DIAPH3: variants seen among roughly 807,000 people sequenced by gnomAD.
The protein encoded by DIAPH3 is protein diaphanous homolog 3.
A neutral mutation model predicts 144.3 loss-of-function variants in DIAPH3; 117 were observed. The observed-to-expected ratio is 0.81, with a 90% CI of 0.70 to 0.95. DIAPH3 has a LOEUF of 0.95. Among genes scored for constraint, DIAPH3 ranks in the 40% least tolerant of loss-of-function variants. The pLI is 0.00. For missense variants in DIAPH3, 1,421 were observed against 1,412.7 expected (o/e 1.01, Z -0.09); for synonymous variants, 519 against 488.9 (o/e 1.06, Z -0.81).
At chr13:59,751,657 T>A (rs928837728) in intron 27 of DIAPH3, among the ~76,000 whole-genome samples, 4 of 152,196 alleles carry the variant, frequency 2.6e-5, no homozygotes, top group African/African-American at 9.6e-5. Flanking sequence ...TGTAACCATA[T>A]CTAAGCATTT....
At chr13:59,970,175 T>C in intron 16 of DIAPH3, 117 bp from the exon 17 acceptor site, 1 of 497,306 alleles carries the variant, frequency 2.0e-6, no homozygotes, top group South Asian at 4.1e-5. Flanking sequence ...AAGTCGTATC[T>C]GTAAGATTTT....
chr13:59,998,439 T>A (rs1293632149), intron 9 of DIAPH3, among the ~76,000 whole-genome samples: 1 of 152,170 alleles, frequency 6.6e-6, no homozygotes, highest in African/African-American at 2.4e-5. Flanking sequence ...ATACCCAGCA[T>A]AGCCCAGTAC....
At position 59,998,649 on chromosome 13, in the gene DIAPH3, C is replaced by T. The variant is rs1328522754; in HGVS notation, c.1015-6066G>A. 2.0e-5 allele frequency among the ~76,000 whole-genome samples: 3 copies of T among 152,168 alleles called. No individual in the cohort carries two copies. In the East Asian group the frequency reaches 5.8e-4, roughly 29 times the overall value. On this transcript the variant is annotated intron_variant, in intron 9 of 27. Transcript: ENST00000400324. ...CATTAGTTTATACTTGGGTATGCTC[C>T]ATATGATAATATGAGTTCACATTAG...
intron 3 of DIAPH3, among the ~76,000 whole-genome samples, chr13:60,097,958 T>G (rs1038229763): frequency 2.0e-5 from 3 of 152,162 alleles, no homozygotes; most frequent in Non-Finnish European, 4.4e-5. Flanking sequence ...CACGAAGTCC[T>G]TAGAAAATTT....
intron 17 of DIAPH3, among the ~76,000 whole-genome samples, chr13:59,945,523 C>T (rs1009449239): frequency 6.6e-6 from 1 of 151,678 alleles, no homozygotes; most frequent in African/African-American, 2.4e-5. Context: ...GAGAGCCCTG[C>T]TTACTGATAG....
chr13:59,801,122 T>C (rs2039879962), intron 25 of DIAPH3, among the ~76,000 whole-genome samples: 4 of 152,194 alleles, frequency 2.6e-5, no homozygotes, highest in Admixed American at 6.5e-5. Flanking sequence ...GAGATCATAA[T>C]TGCAATTCAG....
intron 27 of DIAPH3, among the ~76,000 whole-genome samples, chr13:59,672,164 C>T (rs1232782309): frequency 2.0e-5 from 3 of 152,156 alleles, no homozygotes; most frequent in South Asian, 2.1e-4. Context: ...AAGGCCCTGG[C>T]GGACGGCCCT....
chr13:59,969,932 T>C lies in DIAPH3; in HGVS notation c.2074+12A>G, dbSNP rs1335736241. 4.7e-6 allele frequency: 7 copies of C among 1,499,400 alleles called. No individual in the cohort carries two copies. Among genetic ancestry groups the C allele is most frequent in the Non-Finnish European group, 6.5e-6 (7 of 1,083,116 alleles). The allele number at this position is 1,499,400 out of a possible 1,614,324, so 92.9% of individuals were successfully genotyped here. A position where few individuals can be genotyped will look rare whatever the true frequency, so the allele number is the denominator to read the frequency against. ...AAATCAAATTAATAAATAATCAAGATGTTAAACTTACCTTTTTGTTGGCAA... is the reference window on the plus strand; with the variant it reads ...AAATCAAATTAATAAATAATCAAGACGTTAAACTTACCTTTTTGTTGGCAA... On this transcript the variant is annotated intron_variant, in intron 17 of 27. Coordinates refer to ENST00000400324, the MANE Select transcript of DIAPH3 (RefSeq NM_001042517.2).
In DIAPH3 at chr13:60,137,746, T is replaced by TC. The variant is rs1036957633; in HGVS notation, c.181-4758_181-4757insG. On this transcript the variant is annotated intron_variant, in intron 1 of 27. Coordinates refer to ENST00000400324, the MANE Select transcript of DIAPH3 (RefSeq NM_001042517.2). ...GTTTAATTCCATTAAAATTGACTTTTTTTTTTTTTTTTTTTTAGACACAGT... is the reference window on the plus strand; with the variant it reads ...GTTTAATTCCATTAAAATTGACTTTTCTTTTTTTTTTTTTTTTAGACACAGT... Among the ~76,000 whole-genome samples the TC allele has an allele frequency of 9.3e-5, 14 of 150,264 alleles. No homozygotes were observed. In the East Asian group the frequency reaches 2.1e-3, roughly 23 times the overall value.
At chr13:59,944,572 C>G (rs1268130365) in intron 17 of DIAPH3, among the ~76,000 whole-genome samples, 1 of 152,094 alleles carries the variant, frequency 6.6e-6, no homozygotes, top group African/African-American at 2.4e-5. Context: ...CAAAAATTAT[C>G]ACACATAACC....
chr13:59,886,706 GT>G (rs563783843), intron 20 of DIAPH3, among the ~76,000 whole-genome samples: 91 of 151,298 alleles, frequency 6.0e-4, no homozygotes, highest in African/African-American at 1.6e-3. Context: ...AGTATTTTTA[GT>G]TTTTTTTATG....
At position 59,943,930 on chromosome 13, in the gene DIAPH3, G is replaced by C. The variant is rs571189003; in HGVS notation, c.2075-19060C>G. Among the ~76,000 whole-genome samples the C allele has an allele frequency of 2.6e-5, 4 of 152,158 alleles. No individual in the cohort carries two copies. In the East Asian group the frequency reaches 7.7e-4, roughly 29 times the overall value. On this transcript the variant is annotated intron_variant, in intron 17 of 27. Coordinates refer to ENST00000400324, the MANE Select transcript of DIAPH3 (RefSeq NM_001042517.2). ...GCCAACCAAGGGAAAAGATGATGGA[G>C]GCTGGGCACGGTAGCTCATGCCTGC...
intron 17 of DIAPH3, among the ~76,000 whole-genome samples, chr13:59,929,588 A>T (rs2140324062): frequency 9.1e-6 from 1 of 109,916 alleles, no homozygotes. Flanking sequence ...TTTGAGATAG[A>T]GTCTTGCTCT....
chr13:59,789,023 T>C (rs2039187055), intron 25 of DIAPH3, among the ~76,000 whole-genome samples: 1 of 152,234 alleles, frequency 6.6e-6, no homozygotes. Context: ...ATTTAGAAAC[T>C]GGCATTGACT....
chr13:59,747,621 C>T (rs2036770354), intron 27 of DIAPH3, among the ~76,000 whole-genome samples: 1 of 152,188 alleles, frequency 6.6e-6, no homozygotes. Flanking sequence ...AAATATCAAG[C>T]TGGAAGGAGA....
chr13:60,150,609 C>A (rs77057181), intron 1 of DIAPH3, among the ~76,000 whole-genome samples: 2 of 152,078 alleles, frequency 1.3e-5, no homozygotes, highest in African/African-American at 4.8e-5. Flanking sequence ...TGAACAAATG[C>A]GGTTATTGTG....
chr13:60,108,423 A>G (rs988212476), intron 3 of DIAPH3, among the ~76,000 whole-genome samples: 2 of 152,124 alleles, frequency 1.3e-5, no homozygotes, highest in African/African-American at 4.8e-5. Context: ...AGCCTGGCCA[A>G]CATGGTGAAA....
chr13:60,118,642 AG>A (rs1423527538), intron 2 of DIAPH3, among the ~76,000 whole-genome samples: 1 of 152,224 alleles, frequency 6.6e-6, no homozygotes, highest in Non-Finnish European at 1.5e-5. Flanking sequence ...TTGGCTCTTT[AG>A]TTAACTTTAT....
intron 2 of DIAPH3, among the ~76,000 whole-genome samples, chr13:60,130,416 A>C (rs1380910810): frequency 2.6e-5 from 4 of 152,208 alleles, no homozygotes; most frequent in Non-Finnish European, 4.4e-5. Flanking sequence ...CCATGTGAAG[A>C]GGGTCAATGA....
Sources: allele counts gnomAD v4.1 joint callset (sites outside exome capture counted in the v4.1 genomes callset), GRCh38; gene constraint gnomAD v4.1.1; transcripts MANE v1.5; gene names NCBI Gene and HGNC (gene_info 2026-07-23, HGNC 2026-07-21).